FHIT: variants seen among roughly 807,000 people sequenced by gnomAD.
FHIT encodes fragile histidine triad diadenosine triphosphatase.
In FHIT, 19 loss-of-function variants were observed where a neutral mutation model predicts 17.9. The ratio of observed to expected loss-of-function variants is 1.06; its 90% CI spans 0.74 to 1.56. The LOEUF is 1.56. Ranked by LOEUF, FHIT falls within the 40% of genes most tolerant of loss-of-function variation. The probability of loss-of-function intolerance (pLI) is 0.00; values close to 1 mark genes in which losing one functional copy is unlikely to be tolerated. For synonymous variants in FHIT, 81 were observed against 69.7 expected, an observed-to-expected ratio of 1.16 and a Z score of -0.81; for missense variants, 248 against 189.2, an observed-to-expected ratio of 1.31 and a Z score of -1.82.
chr3:60,714,174 G>A (rs1442831928), intron 4 of FHIT, among the ~76,000 whole-genome samples: 2 of 152,142 alleles, frequency 1.3e-5, no homozygotes, highest in Admixed American at 1.3e-4. Context: ...CAGAACCAAA[G>A]ACAAAAACCA....
intron 5 of FHIT, among the ~76,000 whole-genome samples, chr3:60,331,279 A>C (rs1709960057): frequency 6.6e-6 from 1 of 150,922 alleles, no homozygotes; most frequent in South Asian, 2.1e-4. Context: ...CCCTTTCCTG[A>C]TTTTTTTTTC....
chr3:60,198,782 A>C (rs1355265024), intron 5 of FHIT, among the ~76,000 whole-genome samples: 3 of 152,130 alleles, frequency 2.0e-5, no homozygotes, highest in African/African-American at 7.2e-5. Context: ...CAAATTCTTC[A>C]TATTTGAATG....
Position 60,902,447 on chromosome 3 carries a change from T to C in FHIT, c.-110-80436A>G, listed in dbSNP as rs571717609. The stretch of plus-strand genomic sequence containing the variant: ...ATCACCCATACTTCCTTTCAGGTCA[T>C]GTGGTTTATAAAGGGCTGACCCGAA... On this transcript the variant is annotated intron_variant, in intron 3 of 9. Coordinates refer to ENST00000492590, the MANE Select transcript of FHIT (RefSeq NM_002012.4). 2.6e-5 allele frequency among the ~76,000 whole-genome samples: 4 copies of C among 152,348 alleles called. No individual in the cohort carries two copies. In the South Asian group the frequency reaches 6.2e-4, roughly 24 times the overall value.
chr3:60,152,671 C>G (rs1012218012), intron 5 of FHIT, among the ~76,000 whole-genome samples: 3 of 152,206 alleles, frequency 2.0e-5, no homozygotes, highest in Non-Finnish European at 2.9e-5. Flanking sequence ...TCTTAAAAAT[C>G]TGCCAGGACT....
intron 5 of FHIT, among the ~76,000 whole-genome samples, chr3:60,405,280 G>A (rs1014097423): frequency 2.0e-5 from 3 of 152,062 alleles, no homozygotes; most frequent in African/African-American, 7.2e-5. Context: ...TTTCTAAATT[G>A]TCATGCCCAC....
intron 9 of FHIT, chr3:59,750,124 G>A: frequency 4.4e-6 from 1 of 226,926 alleles, no homozygotes; most frequent in Non-Finnish European, 8.8e-6. Flanking sequence ...CTGGAAGACA[G>A]GAGGTGTCAG....
intron 5 of FHIT, among the ~76,000 whole-genome samples, chr3:60,324,932 AAAT>A (rs1229302029): frequency 6.6e-6 from 1 of 152,134 alleles, no homozygotes; most frequent in Non-Finnish European, 1.5e-5. Context: ...CTTAGACTAC[AAAT>A]AATGACTAAA....
chr3:59,892,765 C>T (rs530607087), intron 8 of FHIT, among the ~76,000 whole-genome samples: 34 of 152,178 alleles, frequency 2.2e-4, no homozygotes, highest in Admixed American at 1.6e-3. Context: ...TTGCTAAAGA[C>T]GAAACCCAGA....
At chr3:60,453,752 T>C (rs754282151) in intron 5 of FHIT, among the ~76,000 whole-genome samples, 18 of 152,212 alleles carry the variant, frequency 1.2e-4, no homozygotes, top group Non-Finnish European at 2.1e-4. Context: ...ACATAGTATA[T>C]GCCCAGTGAA....
At chr3:60,433,097 T>C (rs1335863105) in intron 5 of FHIT, among the ~76,000 whole-genome samples, 1 of 152,072 alleles carries the variant, frequency 6.6e-6, no homozygotes, top group African/African-American at 2.4e-5. Context: ...CCTGCCCCCA[T>C]CACTATCCCC....
intron 8 of FHIT, among the ~76,000 whole-genome samples, chr3:59,806,984 C>T (rs1331956231): frequency 6.6e-6 from 1 of 152,090 alleles, no homozygotes; most frequent in Non-Finnish European, 1.5e-5. Context: ...AGGACCATTG[C>T]CATACTTCTG....
intron 2 of FHIT, among the ~76,000 whole-genome samples, chr3:61,090,871 A>C (rs749735450): frequency 2.0e-5 from 3 of 152,192 alleles, no homozygotes; most frequent in Non-Finnish European, 4.4e-5. Flanking sequence ...CAAAAGAGTA[A>C]AAATTGATGA....
chr3:61,006,078 T>TA (rs372842263), intron 3 of FHIT, among the ~76,000 whole-genome samples: 147 of 148,736 alleles, frequency 9.9e-4, no homozygotes, highest in Middle Eastern at 3.5e-3. Flanking sequence ...ACAAGGTTTT[T>TA]AAAAAAAAAA....
At position 61,189,314 on chromosome 3, in the gene FHIT, G is replaced by C. The variant is rs553849340; in HGVS notation, c.-164+11303C>G. On this transcript the variant is annotated intron_variant, in intron 2 of 9. Transcript: ENST00000492590. ...ACAGACAAACAGAGAGCCAAATCAT[G>C]AGTGAACTCCCATTCACAATTGCTT... 2.2e-4 allele frequency among the ~76,000 whole-genome samples: 33 copies of C among 152,226 alleles called. No individual in the cohort carries two copies. The South Asian group carries it at 6.9e-3, about 32-fold the overall frequency.
chr3:60,906,439 T>G (rs1415475205), intron 3 of FHIT, among the ~76,000 whole-genome samples: 2 of 152,206 alleles, frequency 1.3e-5, no homozygotes, highest in African/African-American at 4.8e-5. Context: ...CTATCTAATC[T>G]ACCTATCGCC....
chr3:60,632,067 G>C (rs184279047), intron 4 of FHIT, among the ~76,000 whole-genome samples: 1 of 142,518 alleles, frequency 7.0e-6, no homozygotes, highest in Non-Finnish European at 1.5e-5. Context: ...TGGCTGGGGA[G>C]AATTTGGGAA....
At chr3:60,200,507 A>G (rs891166860) in intron 5 of FHIT, among the ~76,000 whole-genome samples, 2 of 152,170 alleles carry the variant, frequency 1.3e-5, no homozygotes, top group Admixed American at 6.6e-5. Flanking sequence ...GTAATTTTGT[A>G]TAAAATGGGA....
chr3:60,759,428 A>G (rs1470376943), intron 4 of FHIT, among the ~76,000 whole-genome samples: 2 of 152,358 alleles, frequency 1.3e-5, no homozygotes, highest in Admixed American at 1.3e-4. Flanking sequence ...GAAGAGGTCT[A>G]AGCTAGAGAT....
At position 60,146,239 on chromosome 3, in the gene FHIT, T is replaced by C. The variant is rs535271841; in HGVS notation, c.104-132087A>G. ...AGTGAGGCTGGTAAACATTTAACAA[T>C]ATACTCATTTAAAAAAAAAAAGGGC... On this transcript the variant is annotated intron_variant, in intron 5 of 9. Transcript: ENST00000492590. 3.1e-4 allele frequency among the ~76,000 whole-genome samples: 23 copies of C among 74,230 alleles called. 1 individual carries two copies. The highest frequency in any genetic ancestry group is 2.8e-3 in the Admixed American group (15 of 5,286). 48.7% of individuals were successfully genotyped at this position (74,230 alleles called of 152,430 possible). A position where few individuals can be genotyped will look rare whatever the true frequency, so the allele number is the denominator to read the frequency against.
Sources: gnomAD v4.1 joint callset for allele counts (sites outside exome capture counted in the v4.1 genomes callset) on GRCh38, gnomAD v4.1.1 for gene constraint, MANE v1.5 for transcripts, NCBI Gene and HGNC (gene_info 2026-07-23, HGNC 2026-07-21) for gene names.